ERBB4: variants seen among roughly 807,000 people sequenced by gnomAD.
ERBB4 encodes receptor tyrosine-protein kinase erbB-4.
In ERBB4, 42 loss-of-function variants were observed where a neutral mutation model predicts 158.0. That is an observed-to-expected ratio of 0.27 (90% CI 0.21 to 0.34). ERBB4 has a LOEUF of 0.34. Among genes scored for constraint, ERBB4 ranks in the 10% least tolerant of loss-of-function variants. ERBB4 has a pLI of 1.00. For synonymous variants in ERBB4, 583 were observed against 558.7 expected (o/e 1.04, Z -0.61); for missense variants, 1,333 against 1,624.1 (o/e 0.82, Z 3.08).
chr2:211,955,243 T>A (rs1162087346), intron 2 of ERBB4, among the ~76,000 whole-genome samples: 2 of 152,058 alleles, frequency 1.3e-5, no homozygotes, highest in Non-Finnish European at 2.9e-5. Flanking sequence ...TTTCTAAGAA[T>A]CTGCAGGCCA....
chr2:211,985,847 T>C, intron 2 of ERBB4, among the ~76,000 whole-genome samples: 1 of 152,142 alleles, frequency 6.6e-6, no homozygotes. Context: ...AGTCATCACA[T>C]TTTAAAATGT....
chr2:211,942,209 G>C (rs941192599), intron 3 of ERBB4, among the ~76,000 whole-genome samples: 2 of 152,034 alleles, frequency 1.3e-5, no homozygotes, highest in African/African-American at 4.8e-5. Flanking sequence ...TACATTACTT[G>C]GATGTACTAC....
intron 14 of ERBB4, among the ~76,000 whole-genome samples, chr2:211,669,507 T>C (rs2071759103): frequency 6.6e-6 from 1 of 152,088 alleles, no homozygotes; most frequent in African/African-American, 2.4e-5. Context: ...TCTTCTCATA[T>C]TTCCTCCTAT....
rs2062479092 is a variant in ERBB4, at chr2:211,376,697, A to C, written c.*6918T>G. On this transcript the variant is annotated 3_prime_UTR_variant, in exon 28 of 28. Transcript: ENST00000342788. ...AGTAAATTACTTTGATGCATGTATA[A>C]GATGAATGTTTGAGAGTAGATTTAA... 4.3e-6 allele frequency: 1 copy of C among 233,044 alleles called. No individual in the cohort carries two copies. The highest frequency in any genetic ancestry group is 8.5e-6 in the Non-Finnish European group (1 of 117,682). 14.4% of individuals were successfully genotyped at this position (233,044 alleles called of 1,614,324 possible).
At chr2:211,459,798 C>A (rs972959399) in intron 20 of ERBB4, among the ~76,000 whole-genome samples, 1 of 152,074 alleles carries the variant, frequency 6.6e-6, no homozygotes, top group South Asian at 2.1e-4. Flanking sequence ...TGGACTAATA[C>A]AGGAGGGAAA....
chr2:211,562,474 T>A (rs1354542553), intron 19 of ERBB4, among the ~76,000 whole-genome samples: 1 of 152,166 alleles, frequency 6.6e-6, no homozygotes, highest in Non-Finnish European at 1.5e-5. Context: ...GTATACAAAT[T>A]TAGTTAGTTG....
At chr2:212,301,364 C>T (rs2086615078) in intron 1 of ERBB4, among the ~76,000 whole-genome samples, 1 of 151,214 alleles carries the variant, frequency 6.6e-6, no homozygotes, top group African/African-American at 2.4e-5. Flanking sequence ...TAATGTATAA[C>T]CTGAAAATTT....
At position 211,780,605 on chromosome 2, in the gene ERBB4, G is replaced by A. The variant is rs535308886; in HGVS notation, c.556+7420C>T. Among the ~76,000 whole-genome samples the A allele has an allele frequency of 3.8e-4, 58 of 152,266 alleles. 1 individual carries two copies. The highest frequency in any genetic ancestry group is 1.9e-3 in the South Asian group (9 of 4,824). ...CAAAGGCCTTCTATGGTGTGGGTCAGGTGCAAGTCCTTACTTTCTCAAAAC... is the reference window on the plus strand; with the variant it reads ...CAAAGGCCTTCTATGGTGTGGGTCAAGTGCAAGTCCTTACTTTCTCAAAAC... On this transcript the variant is annotated intron_variant, in intron 4 of 27. Coordinates refer to ENST00000342788, the MANE Select transcript of ERBB4 (RefSeq NM_005235.3).
intron 3 of ERBB4, among the ~76,000 whole-genome samples, chr2:211,896,022 T>C (rs1295629349): frequency 6.6e-6 from 1 of 152,268 alleles, no homozygotes; most frequent in East Asian, 1.9e-4. Context: ...TTCCCTACTG[T>C]TGGTAGGCCC....
chr2:211,538,074 G>C (rs570925017), intron 20 of ERBB4, among the ~76,000 whole-genome samples: 14 of 145,506 alleles, frequency 9.6e-5, no homozygotes, highest in African/African-American at 3.4e-4. Context: ...CAGGGTTATT[G>C]CTTATTGTTT....
At chr2:212,117,703 G>C (rs1222758563) in intron 2 of ERBB4, among the ~76,000 whole-genome samples, 1 of 151,958 alleles carries the variant, frequency 6.6e-6, no homozygotes, top group East Asian at 1.9e-4. Context: ...ATCTTTTTTG[G>C]GAAATATGAG....
chr2:212,223,331 CTT>C (rs2083364276), intron 1 of ERBB4, among the ~76,000 whole-genome samples: 1 of 72,156 alleles, frequency 1.4e-5, no homozygotes, highest in Non-Finnish European at 2.9e-5. Flanking sequence ...CCTTATTAAG[CTT>C]ATATATATAT....
At chr2:211,396,827 T>C (rs746728477) in intron 25 of ERBB4, among the ~76,000 whole-genome samples, 1 of 152,194 alleles carries the variant, frequency 6.6e-6, no homozygotes, top group Non-Finnish European at 1.5e-5. Context: ...GTTTACCAGA[T>C]AAAAAGTGAA....
At chr2:211,923,546 G>C (rs932191385) in intron 3 of ERBB4, among the ~76,000 whole-genome samples, 2 of 152,044 alleles carry the variant, frequency 1.3e-5, no homozygotes, top group Non-Finnish European at 2.9e-5. Context: ...TCATGAGATG[G>C]TGTTGGAGAT....
chr2:211,940,273 A>G (rs1339856827), intron 3 of ERBB4, among the ~76,000 whole-genome samples: 1 of 152,108 alleles, frequency 6.6e-6, no homozygotes, highest in Non-Finnish European at 1.5e-5. Flanking sequence ...CGATGGAGCC[A>G]TTGTTGTATT....
intron 1 of ERBB4, among the ~76,000 whole-genome samples, chr2:212,141,034 A>T (rs1459337659): frequency 6.6e-6 from 1 of 151,842 alleles, no homozygotes; most frequent in Non-Finnish European, 1.5e-5. Flanking sequence ...TTTAAATTAT[A>T]TTACTAATGT....
At chr2:211,395,912 A>G (rs1027009766) in intron 25 of ERBB4, among the ~76,000 whole-genome samples, 3 of 151,870 alleles carry the variant, frequency 2.0e-5, no homozygotes, top group African/African-American at 7.3e-5. Flanking sequence ...TTTTACCTTC[A>G]CAGCATTTAT....
In ERBB4 at chr2:211,994,754, G is replaced by A. The variant is rs116302504; in HGVS notation, c.235-47138C>T. Reference sequence around the variant, plus strand: ...CAAAGCACAGTCCAAAGAAGGAGCCGTAGATATCACATTGAAGGGAAAAAG... The same window carrying A: ...CAAAGCACAGTCCAAAGAAGGAGCCATAGATATCACATTGAAGGGAAAAAG... On this transcript the variant is annotated intron_variant, in intron 2 of 27. Coordinates refer to ENST00000342788, the MANE Select transcript of ERBB4 (RefSeq NM_005235.3). 5.8e-3 allele frequency among the ~76,000 whole-genome samples: 882 copies of A among 152,182 alleles called. 8 individuals are homozygous for A. The highest frequency in any genetic ancestry group is 0.02 in the African/African-American group (821 of 41,514).
At chr2:212,039,259 C>A (rs2077084559) in intron 2 of ERBB4, among the ~76,000 whole-genome samples, 2 of 152,136 alleles carry the variant, frequency 1.3e-5, no homozygotes, top group Admixed American at 6.5e-5. Context: ...AACTATGTTT[C>A]AGAAGAATAA....
Sources: gnomAD v4.1 joint callset for allele counts (sites outside exome capture counted in the v4.1 genomes callset) on GRCh38, gnomAD v4.1.1 for gene constraint, MANE v1.5 for transcripts, NCBI Gene and HGNC (gene_info 2026-07-23, HGNC 2026-07-21) for gene names.